MOV10: variants seen among roughly 807,000 people sequenced by gnomAD.
The protein encoded by MOV10 is Mov10 RNA helicase.
Under a neutral mutation model 108.4 loss-of-function variants are expected in MOV10, and 39 were observed. The ratio of observed to expected loss-of-function variants is 0.36; its 90% CI spans 0.28 to 0.47. MOV10 has a LOEUF of 0.47. Ranked by LOEUF, MOV10 falls within the 20% of genes least tolerant of loss-of-function variation. MOV10 has a pLI of 1.00. For missense variants in MOV10, 952 were observed against 1,297.6 expected (o/e 0.73, Z 4.09); for synonymous variants, 490 against 523.1 (o/e 0.94, Z 0.86).
Position 112,689,151 on chromosome 1 carries a change from T to C in MOV10, c.341+13T>C. The stretch of plus-strand genomic sequence containing the variant: ...TCTTTTATGACAGGTGTGTGTGTGT[T>C]GTATGTTGTGTGTACGGGGAGGTCT... On this transcript the variant is annotated intron_variant, in intron 3 of 20. Transcript: ENST00000369645. 1.9e-6 allele frequency: 3 copies of C among 1,580,408 alleles called. No homozygotes were observed. Among genetic ancestry groups the C allele is most frequent in the Non-Finnish European group, 2.6e-6 (3 of 1,162,296 alleles).
At position 112,700,350 on chromosome 1, in the gene MOV10, G is replaced by C; in HGVS notation, c.2920+10G>C. On this transcript the variant is annotated intron_variant, in intron 20 of 20. Coordinates refer to ENST00000369645, the MANE Select transcript of MOV10 (RefSeq NM_001321324.2). ...AGCCCCTCTACCTCAGGTATGGCTG[G>C]GCCAGGGTGGGGACAGTGCCAGAGG... 6.2e-7 allele frequency: 1 copy of C among 1,614,226 alleles called. No homozygotes were observed. Among genetic ancestry groups the C allele is most frequent in the South Asian group, 1.1e-5 (1 of 91,082 alleles).
At chr1:112,691,461 T>C (rs1277462444) in intron 5 of MOV10, among the ~76,000 whole-genome samples, 1 of 152,336 alleles carries the variant, frequency 6.6e-6, no homozygotes, top group East Asian at 1.9e-4. Context: ...TCTCTAGTGA[T>C]CATTTATTAC....
intron 2 of MOV10, among the ~76,000 whole-genome samples, chr1:112,684,673 A>G (rs1427637298): frequency 6.6e-6 from 1 of 152,246 alleles, no homozygotes; most frequent in Non-Finnish European, 1.5e-5. Context: ...GCAATTTATG[A>G]GTTCACTTTT....
Position 112,694,134 on chromosome 1 carries a change from G to C in MOV10, c.1257G>C (p.Lys419Asn). 6.2e-7 allele frequency: 1 copy of C among 1,614,162 alleles called. No individual in the cohort carries two copies. The highest frequency in any genetic ancestry group is 2.2e-5 in the East Asian group (1 of 44,874). Residue 419 changes from lysine to asparagine, a missense_variant, in exon 8 of 21, where the codon AAG (lysine) becomes AAC (asparagine). Lys to Asn is a moderately conservative substitution (Grantham distance 94). Around this residue, in one of 5 missense-constraint regions of MOV10, gnomAD observed 453 missense variants for 611.5 expected, o/e 0.74. Coordinates refer to ENST00000369645, the MANE Select transcript of MOV10 (RefSeq NM_001321324.2). This position sits in a 1 kb window ranked among gnomAD's most constrained non-coding sequence, Gnocchi z 4.1. Reference sequence around the variant, plus strand: ...TCACATATAAGGGCTTTGTGCACAAGGTGGAATTGGACCGTGTCAAGCTGA... The same window carrying C: ...TCACATATAAGGGCTTTGTGCACAACGTGGAATTGGACCGTGTCAAGCTGA... ...DPITYKGFVH[K>N]VELDRVKLSF...
chr1:112,680,703 ATC>A (rs1271482412), intron 2 of MOV10, among the ~76,000 whole-genome samples: 1 of 118,638 alleles, frequency 8.4e-6, no homozygotes, highest in African/African-American at 3.0e-5. Context: ...CTTTTCATTT[ATC>A]TCTTTTTTTT....
intron 2 of MOV10, among the ~76,000 whole-genome samples, chr1:112,681,268 G>A (rs1672629088): frequency 6.6e-6 from 1 of 151,944 alleles, no homozygotes. Context: ...AAGGCGGGTG[G>A]ATCACCTGAG....
chr1:112,694,110 C>T lies in MOV10; in HGVS notation c.1233C>T (p.Ile411=). 1.9e-6 allele frequency: 3 copies of T among 1,614,088 alleles called. No individual in the cohort carries two copies. Among genetic ancestry groups the T allele is most frequent in the Non-Finnish European group, 2.5e-6 (3 of 1,180,010 alleles). Residue 411 remains isoleucine, a synonymous_variant, in exon 8 of 21, where the codon ATC becomes ATT. Coordinates refer to ENST00000369645, the MANE Select transcript of MOV10 (RefSeq NM_001321324.2). This position sits in a 1 kb window ranked among gnomAD's most constrained non-coding sequence, Gnocchi z 4.1. Reference sequence around the variant, plus strand: ...CGGAGACACACCAGGAGGACCCCATCACATATAAGGGCTTTGTGCACAAGG... The same window carrying T: ...CGGAGACACACCAGGAGGACCCCATTACATATAAGGGCTTTGTGCACAAGG... The part of the protein sequence containing the change: ...LSSETHQEDP[I]TYKGFVHKVE...
chr1:112,676,611 C>T (rs1451442815), intron 2 of MOV10, among the ~76,000 whole-genome samples: 1 of 152,124 alleles, frequency 6.6e-6, no homozygotes, highest in Non-Finnish European at 1.5e-5. Context: ...TAGAAAATTA[C>T]TAAGAGGAGT....
chr1:112,696,881 T>C (rs376253299), intron 14 of MOV10, 35 bp downstream of exon 14: 752 of 1,523,298 alleles, frequency 4.9e-4, no homozygotes, highest in Middle Eastern at 1.6e-3. Context: ...TGCCATATCC[T>C]ATGCTTTCAC....
intron 2 of MOV10, among the ~76,000 whole-genome samples, chr1:112,683,815 A>G (rs907078654): frequency 6.6e-6 from 1 of 152,226 alleles, no homozygotes; most frequent in Non-Finnish European, 1.5e-5. Flanking sequence ...ATTCTTGACC[A>G]CTGTGAGTGA....
At chr1:112,677,446 T>G (rs1269873831) in intron 2 of MOV10, among the ~76,000 whole-genome samples, 1 of 151,480 alleles carries the variant, frequency 6.6e-6, no homozygotes, top group East Asian at 1.9e-4. Context: ...AAGTCAACCT[T>G]CATTTCCCAG....
intron 2 of MOV10, among the ~76,000 whole-genome samples, chr1:112,688,100 G>A (rs530907006): frequency 3.9e-5 from 6 of 152,144 alleles, no homozygotes; most frequent in South Asian, 2.1e-4. Context: ...CTCTGTGGCC[G>A]ATGAGCTGCC....
In MOV10 at chr1:112,675,950, G is replaced by A. The variant is rs1167164937; in HGVS notation, c.137+901G>A. ...TGGGTTTTAGCAGACCAGAGGGCCA[G>A]TATGGGTGAGATATGGCTGCTAAAA... On this transcript the variant is annotated intron_variant, in intron 2 of 20. Coordinates refer to ENST00000369645, the MANE Select transcript of MOV10 (RefSeq NM_001321324.2). This position sits in a 1 kb window ranked among gnomAD's most constrained non-coding sequence, Gnocchi z 4.7. 6.6e-6 allele frequency among the ~76,000 whole-genome samples: 1 copy of A among 152,214 alleles called. No individual in the cohort carries two copies. The highest frequency in any genetic ancestry group is 1.5e-5 in the Non-Finnish European group (1 of 68,048).
At chr1:112,678,009 G>A (rs1672329226) in intron 2 of MOV10, among the ~76,000 whole-genome samples, 1 of 152,120 alleles carries the variant, frequency 6.6e-6, no homozygotes, top group South Asian at 2.1e-4. Context: ...GCAGATATGT[G>A]TAGACAAACA....
chr1:112,700,400 C>T lies in MOV10; in HGVS notation c.2921-16C>T, dbSNP rs368544859. The T allele has an allele frequency of 1.1e-5, 17 of 1,613,470 alleles. No individual in the cohort carries two copies. In the African/African-American group the frequency reaches 2.3e-4, roughly 22 times the overall value. ...GAGGTGGTAAGGAAGACACAGTGTACTTTCTCTCTTTCCAGGGCCCCACAG... is the reference window on the plus strand; with the variant it reads ...GAGGTGGTAAGGAAGACACAGTGTATTTTCTCTCTTTCCAGGGCCCCACAG... On this transcript the variant is annotated splice_polypyrimidine_tract_variant and intron_variant, in intron 20 of 20. Transcript: ENST00000369645.
Position 112,695,299 on chromosome 1 carries a change from G to A in MOV10, c.1621-117G>A, listed in dbSNP as rs1475761966. ...AGCACTGTTGTACGGGTAGGGCACTGCATGAATCTTGGAGTCACCATTCAC... is the reference window on the plus strand; with the variant it reads ...AGCACTGTTGTACGGGTAGGGCACTACATGAATCTTGGAGTCACCATTCAC... On this transcript the variant is annotated intron_variant, in intron 10 of 20. Coordinates refer to ENST00000369645, the MANE Select transcript of MOV10 (RefSeq NM_001321324.2). 1.5e-5 allele frequency: 16 copies of A among 1,038,198 alleles called. 1 individual carries two copies. The highest frequency in any genetic ancestry group is 3.0e-5 in the South Asian group (2 of 65,818). The allele number at this position is 1,038,198 out of a possible 1,614,324, so 64.3% of individuals were successfully genotyped here. A position where few individuals can be genotyped will look rare whatever the true frequency, so the allele number is the denominator to read the frequency against.
Position 112,698,711 on chromosome 1 carries a change from C to T in MOV10, c.2509-4C>T, listed in dbSNP as rs1674343773. 2 of 1,613,496 alleles carry T rather than the reference C, an allele frequency of 1.2e-6. No homozygotes were observed. Among genetic ancestry groups the T allele is most frequent in the Non-Finnish European group, 1.7e-6 (2 of 1,179,368 alleles). ...AGAGAAAGGCACCTGTCCCCTCCTT[C>T]CAGGTGGAGAAAATCCGTTACTGCA... On this transcript the variant is annotated splice_region_variant and splice_polypyrimidine_tract_variant and intron_variant, in intron 16 of 20. Coordinates refer to ENST00000369645, the MANE Select transcript of MOV10 (RefSeq NM_001321324.2).
At position 112,695,542 on chromosome 1, in the gene MOV10, A is replaced by G; in HGVS notation, c.1747A>G (p.Arg583Gly). 6.2e-7 allele frequency: 1 copy of G among 1,614,164 alleles called. No individual in the cohort carries two copies. The highest frequency in any genetic ancestry group is 8.5e-7 in the Non-Finnish European group (1 of 1,180,032). ...SSIYRLLAPS[R>G]DIRMVPEDIK... ...CATCTACCGCCTCCTGGCCCCCAGC[A>G]GGGACATCCGCATGGTACCTGAGGA... Residue 583 changes from arginine (R) to glycine (G), a missense_variant, in exon 11 of 21, where the codon AGG becomes GGG. Physicochemically the swap from Arg to Gly is moderately radical, Grantham distance 125. Around this residue, in one of 5 missense-constraint regions of MOV10, gnomAD observed 453 missense variants for 611.5 expected, o/e 0.74. Transcript: ENST00000369645.
intron 19 of MOV10, 23 bp from the exon 20 acceptor site, chr1:112,700,196 T>C (rs1674519841): frequency 1.9e-6 from 3 of 1,613,762 alleles, no homozygotes; most frequent in Admixed American, 3.3e-5. Context: ...CAGTCTCTGC[T>C]GGCACTCCTC....
Sources: gnomAD v4.1 joint callset for allele counts (sites outside exome capture counted in the v4.1 genomes callset) on GRCh38, gnomAD v4.1.1 for gene constraint, gnomAD v4.1.1 regional missense constraint, Gnocchi (gnomAD v3.1) non-coding constraint, MANE v1.5 for transcripts, NCBI Gene and HGNC (gene_info 2026-07-23, HGNC 2026-07-21) for gene names.